The following FHOD3 variants were observed in gnomAD, a reference collection of about 807,000 sequenced individuals.
The protein encoded by FHOD3 is FH1/FH2 domain-containing protein 3.
In FHOD3, 90 loss-of-function variants were observed where a neutral mutation model predicts 173.0. That is an observed-to-expected ratio of 0.52 (90% CI 0.44 to 0.62). The LOEUF is 0.62. Among genes scored for constraint, FHOD3 ranks in the 20% least tolerant of loss-of-function variants. The pLI is 0.00. For synonymous variants in FHOD3, 828 were observed against 823.0 expected, an observed-to-expected ratio of 1.01 and a Z score of -0.10; for missense variants, 1,945 against 2,034.7, an observed-to-expected ratio of 0.96 and a Z score of 0.85.
chr18:36,556,185 C>G (rs1273571167), intron 5 of FHOD3, among the ~76,000 whole-genome samples: 1 of 151,844 alleles, frequency 6.6e-6, no homozygotes, highest in Non-Finnish European at 1.5e-5. Flanking sequence ...AGCTGTAATT[C>G]CATTATCTTC....
intron 3 of FHOD3, among the ~76,000 whole-genome samples, chr18:36,457,818 G>C (rs2052310130): frequency 6.6e-6 from 1 of 152,208 alleles, no homozygotes; most frequent in Non-Finnish European, 1.5e-5. Flanking sequence ...GTCTAAGGCA[G>C]AATTTTGTTT....
chr18:36,512,589 G>GA (rs779776492), intron 5 of FHOD3, 46 bp downstream of exon 5: 2 of 1,388,622 alleles, frequency 1.4e-6, no homozygotes, highest in East Asian at 4.6e-5. Flanking sequence ...CTGCAGGGGG[G>GA]ATCTGGGTTC....
intron 3 of FHOD3, among the ~76,000 whole-genome samples, chr18:36,379,586 T>C (rs2047631206): frequency 6.6e-6 from 1 of 152,216 alleles, no homozygotes; most frequent in South Asian, 2.1e-4. Context: ...TGAAGTCCCA[T>C]TGATAGGGAT....
intron 15 of FHOD3, among the ~76,000 whole-genome samples, chr18:36,685,877 T>C (rs1349227792): frequency 6.6e-6 from 1 of 152,118 alleles, no homozygotes; most frequent in Non-Finnish European, 1.5e-5. Context: ...ACATTAAAAT[T>C]AAGAAAACAG....
chr18:36,410,609 G>A (rs1004978171), intron 3 of FHOD3, among the ~76,000 whole-genome samples: 1 of 152,112 alleles, frequency 6.6e-6, no homozygotes, highest in Non-Finnish European at 1.5e-5. Context: ...CATTCCCACT[G>A]GTAATGTATG....
intron 28 of FHOD3, chr18:36,778,729 A>G (rs1238314990): frequency 5.9e-5 from 9 of 152,174 alleles, no homozygotes; most frequent in African/African-American, 2.2e-4. Flanking sequence ...ACAGCCACCA[A>G]TTCCAGCCAG....
At chr18:36,745,340 A>T (rs1427413378) in intron 23 of FHOD3, among the ~76,000 whole-genome samples, 1 of 152,022 alleles carries the variant, frequency 6.6e-6, no homozygotes, top group East Asian at 1.9e-4. Flanking sequence ...CAGACAAATC[A>T]TTTTCCCCAA....
intron 14 of FHOD3, among the ~76,000 whole-genome samples, chr18:36,665,306 A>G (rs1366802061): frequency 6.6e-6 from 1 of 152,238 alleles, no homozygotes; most frequent in Non-Finnish European, 1.5e-5. Flanking sequence ...TATTGAGTGT[A>G]TCGATTGAAT....
chr18:36,673,567 A>C (rs987490186), intron 14 of FHOD3, among the ~76,000 whole-genome samples: 2 of 152,080 alleles, frequency 1.3e-5, no homozygotes, highest in African/African-American at 4.8e-5. Flanking sequence ...AGTAGTGAAC[A>C]CTCCCAGAGA....
intron 28 of FHOD3, among the ~76,000 whole-genome samples, chr18:36,777,066 C>G (rs1205172310): frequency 6.6e-6 from 1 of 152,146 alleles, no homozygotes; most frequent in African/African-American, 2.4e-5. Context: ...GTGGGGTCTT[C>G]TGTAGTCATT....
chr18:36,619,986 T>C (rs919263630), intron 9 of FHOD3, among the ~76,000 whole-genome samples: 12 of 152,166 alleles, frequency 7.9e-5, no homozygotes, highest in Non-Finnish European at 1.5e-4. Context: ...CTGGGGGACA[T>C]TGAGATCCCA....
chr18:36,719,033 T>G lies in FHOD3; in HGVS notation c.3417+318T>G, dbSNP rs566866773. On this transcript the variant is annotated intron_variant, in intron 19 of 28. Transcript: ENST00000590592. The stretch of plus-strand genomic sequence containing the variant: ...AGCATAGCCCAATAGCAGATATTGA[T>G]GTTAACTAGAGAAAGTGGACTTGCT... 3.3e-5 allele frequency among the ~76,000 whole-genome samples: 5 copies of G among 152,360 alleles called. No homozygotes were observed. The East Asian group carries it at 9.6e-4, about 29-fold the overall frequency.
At chr18:36,396,549 T>G (rs1052020869) in intron 3 of FHOD3, among the ~76,000 whole-genome samples, 7 of 152,220 alleles carry the variant, frequency 4.6e-5, no homozygotes, top group African/African-American at 1.4e-4. Context: ...TTCATTTATT[T>G]AAATTCAAAT....
At chr18:36,613,252 C>T (rs2032873432) in intron 9 of FHOD3, among the ~76,000 whole-genome samples, 1 of 152,218 alleles carries the variant, frequency 6.6e-6, no homozygotes, top group Non-Finnish European at 1.5e-5. Context: ...GCATGTTGTA[C>T]CTCTCTCCTC....
intron 18 of FHOD3, 86 bp from the exon 19 acceptor site, chr18:36,717,746 G>A (rs925600920): frequency 2.9e-5 from 44 of 1,492,608 alleles, no homozygotes; most frequent in Non-Finnish European, 3.7e-5. Flanking sequence ...ACTCCCATGT[G>A]TCAGGCTCAC....
intron 5 of FHOD3, among the ~76,000 whole-genome samples, chr18:36,517,501 A>AAG (rs974909281): frequency 1.3e-5 from 2 of 152,210 alleles, no homozygotes; most frequent in Middle Eastern, 3.4e-3. Flanking sequence ...TGGAGGAGAA[A>AAG]AGAGAGAGAG....
intron 1 of FHOD3, among the ~76,000 whole-genome samples, chr18:36,332,899 A>C (rs2045096685): frequency 6.6e-6 from 1 of 152,176 alleles, no homozygotes; most frequent in Non-Finnish European, 1.5e-5. Flanking sequence ...TGTGGTTTTA[A>C]AGTGCAGCCA....
intron 3 of FHOD3, among the ~76,000 whole-genome samples, chr18:36,412,692 A>G (rs2049419062): frequency 6.6e-6 from 1 of 152,224 alleles, no homozygotes; most frequent in African/African-American, 2.4e-5. Flanking sequence ...TGCTACAATC[A>G]TTTCAGGCTT....
At chr18:36,486,513 C>T (rs1376083987) in intron 3 of FHOD3, among the ~76,000 whole-genome samples, 1 of 152,176 alleles carries the variant, frequency 6.6e-6, no homozygotes, top group African/African-American at 2.4e-5. Flanking sequence ...AAGGTGTGTG[C>T]CACTGCCCCC....
Sources: allele counts gnomAD v4.1 joint callset (sites outside exome capture counted in the v4.1 genomes callset), GRCh38; gene constraint gnomAD v4.1.1; transcripts MANE v1.5; gene names NCBI Gene and HGNC (gene_info 2026-07-23, HGNC 2026-07-21).